NBEAL1: variants seen among roughly 807,000 people sequenced by gnomAD.
NBEAL1 encodes neurobeachin-like protein 1.
In NBEAL1, 273 loss-of-function variants were observed where a neutral mutation model predicts 351.3. The observed-to-expected ratio is 0.78, with a 90% CI of 0.70 to 0.86. NBEAL1 has a LOEUF of 0.86. Ranked by LOEUF, NBEAL1 falls within the 40% of genes least tolerant of loss-of-function variation. The pLI, the probability that NBEAL1 is intolerant of heterozygous loss-of-function variation, is 0.00. For synonymous variants in NBEAL1, 1,050 were observed against 1,086.4 expected (o/e 0.97, Z 0.66); for missense variants, 2,961 against 3,201.3 (o/e 0.92, Z 1.81).
At chr2:203,192,757 G>A (rs2065126528) in intron 46 of NBEAL1, among the ~76,000 whole-genome samples, 1 of 151,990 alleles carries the variant, frequency 6.6e-6, no homozygotes, top group African/African-American at 2.4e-5. Flanking sequence ...TTGTAGAGAT[G>A]TAAGAATTTA....
At chr2:203,121,220 A>C (rs1005320389) in intron 18 of NBEAL1, among the ~76,000 whole-genome samples, 2 of 151,934 alleles carry the variant, frequency 1.3e-5, no homozygotes, top group Non-Finnish European at 2.9e-5. Context: ...TCTATGGTTT[A>C]TCTCTCATTT....
chr2:203,141,381 T>TTTTTTA (rs2063375655), intron 31 of NBEAL1, among the ~76,000 whole-genome samples: 1 of 90,422 alleles, frequency 1.1e-5, no homozygotes, highest in Admixed American at 1.3e-4. Context: ...TTTTTTTTTT[T>TTTTTTA]TTTTTTTTTT....
chr2:203,206,114 G>C (rs1200435354), intron 51 of NBEAL1, among the ~76,000 whole-genome samples: 2 of 152,178 alleles, frequency 1.3e-5, no homozygotes, highest in African/African-American at 4.8e-5. Context: ...ATACAATTGT[G>C]TTATTAGGAA....
chr2:203,128,287 C>T (rs1412133143), intron 24 of NBEAL1, among the ~76,000 whole-genome samples: 4 of 108,520 alleles, frequency 3.7e-5, no homozygotes, highest in African/African-American at 1.0e-4. Flanking sequence ...TTTTTTTTTC[C>T]GGTAAAGACA....
intron 10 of NBEAL1, among the ~76,000 whole-genome samples, chr2:203,086,703 C>T (rs186579229): frequency 1.2e-3 from 179 of 152,020 alleles, no homozygotes; most frequent in African/African-American, 4.2e-3. Flanking sequence ...CCTGGCTAAT[C>T]TTTGTATTTT....
chr2:203,105,614 G>A (rs1435640662), intron 12 of NBEAL1, among the ~76,000 whole-genome samples: 2 of 152,178 alleles, frequency 1.3e-5, no homozygotes, highest in East Asian at 3.8e-4. Flanking sequence ...ATTCTGAAGT[G>A]ATGTATGAAA....
rs1475288477 is a variant in NBEAL1 at position 203,180,512 on chromosome 2, C to T, written c.6595C>T (p.Gln2199Ter). The T allele has an allele frequency of 3.7e-6, 6 of 1,604,936 alleles. No homozygotes were observed. Among genetic ancestry groups the T allele is most frequent in the Non-Finnish European group, 4.2e-6 (5 of 1,176,580 alleles). Reference sequence around the variant, plus strand: ...CCCAGAGTTTTTGGAAAATCAAAATCGTAAGAAATAGAGGATTAAAAATTT... The same window carrying T: ...CCCAGAGTTTTTGGAAAATCAAAATTGTAAGAAATAGAGGATTAAAAATTT... ...YFPEFLENQN[Q>*]FNLGRLQISK... The change falls in exon 43 of 56, where the codon CAA becomes TAA. Residue 2199 changes from glutamine to a stop codon, truncating the protein, a stop_gained and splice_region_variant. Transcript: ENST00000683969. LOFTEE classifies it high-confidence loss of function.
At chr2:203,033,674 A>T (rs553100324) in intron 2 of NBEAL1, among the ~76,000 whole-genome samples, 10 of 152,220 alleles carry the variant, frequency 6.6e-5, no homozygotes, top group African/African-American at 2.2e-4. Flanking sequence ...ACCCTTTTTT[A>T]AAAAACTTTT....
intron 3 of NBEAL1, 48 bp from the exon 4 acceptor site, chr2:203,049,766 C>A: frequency 6.9e-7 from 1 of 1,445,542 alleles, no homozygotes; most frequent in Non-Finnish European, 9.2e-7. Flanking sequence ...CAGAGATTTT[C>A]TTCTTGTATT....
intron 7 of NBEAL1, among the ~76,000 whole-genome samples, chr2:203,070,359 C>CTTTT (rs34588218): frequency 4.3e-4 from 40 of 92,314 alleles, no homozygotes; most frequent in Non-Finnish European, 4.3e-4. Context: ...CTCTCTCTCT[C>CTTTT]TTTTTTTTTT....
chr2:203,185,107 C>T lies in NBEAL1; in HGVS notation c.6705+1719C>T, dbSNP rs544968438. Among the ~76,000 whole-genome samples the T allele has an allele frequency of 2.0e-5, 3 of 152,272 alleles. No homozygotes were observed. The South Asian group carries it at 6.2e-4, about 32-fold the overall frequency. ...AGGATGGCATTAGTCCAAGGTTGAA[C>T]AGGCAGTTGCTGGGCAGACATCCTC... On this transcript the variant is annotated intron_variant, in intron 44 of 55. Coordinates refer to ENST00000683969, the MANE Select transcript of NBEAL1 (RefSeq NM_001378026.1).
intron 7 of NBEAL1, among the ~76,000 whole-genome samples, chr2:203,075,383 G>A (rs2061753828): frequency 6.6e-6 from 1 of 152,162 alleles, no homozygotes; most frequent in Non-Finnish European, 1.5e-5. Flanking sequence ...ATGAGAGTTT[G>A]CATGGTATAT....
intron 12 of NBEAL1, among the ~76,000 whole-genome samples, chr2:203,100,965 T>C (rs2062306804): frequency 6.6e-6 from 1 of 152,202 alleles, no homozygotes; most frequent in South Asian, 2.1e-4. Context: ...AGACCTTTGT[T>C]GGATGCATGG....
At chr2:203,025,833 C>T (rs2060847825) in intron 2 of NBEAL1, among the ~76,000 whole-genome samples, 1 of 152,020 alleles carries the variant, frequency 6.6e-6, no homozygotes, top group Non-Finnish European at 1.5e-5. Context: ...TCAGTACCTG[C>T]CCTGGCTACT....
At chr2:203,070,374 T>G (rs996761304) in intron 7 of NBEAL1, among the ~76,000 whole-genome samples, 1 of 150,366 alleles carries the variant, frequency 6.7e-6, no homozygotes, top group African/African-American at 2.5e-5. Flanking sequence ...TTTTTTTTTT[T>G]TTTTTGAGAA....
chr2:203,094,183 G>A (rs1333296872), intron 10 of NBEAL1, among the ~76,000 whole-genome samples: 1 of 152,068 alleles, frequency 6.6e-6, no homozygotes, highest in Admixed American at 6.6e-5. Context: ...TGTATTACTG[G>A]AACTTAAGGT....
At chr2:203,090,622 C>A (rs534799043) in intron 10 of NBEAL1, among the ~76,000 whole-genome samples, 112 of 152,308 alleles carry the variant, frequency 7.4e-4, no homozygotes, top group Middle Eastern at 3.4e-3. Context: ...GGCACGGTGG[C>A]TCATGCCTGT....
At chr2:203,198,817 A>C (rs1355544477) in intron 48 of NBEAL1, among the ~76,000 whole-genome samples, 1 of 151,376 alleles carries the variant, frequency 6.6e-6, no homozygotes, top group Non-Finnish European at 1.5e-5. Flanking sequence ...AGATCATGCC[A>C]CTGCACTCCA....
At chr2:203,127,007 T>A in intron 23 of NBEAL1, 81 bp downstream of exon 23, 2 of 960,644 alleles carry the variant, frequency 2.1e-6, no homozygotes, top group East Asian at 5.3e-5. Context: ...CTGTAGACTT[T>A]CTCTTTACCA....
Sources: allele counts gnomAD v4.1 joint callset (sites outside exome capture counted in the v4.1 genomes callset), GRCh38; gene constraint gnomAD v4.1.1; transcripts MANE v1.5; gene names NCBI Gene and HGNC (gene_info 2026-07-23, HGNC 2026-07-21).